The following AHRR variants were observed in gnomAD, a reference collection of about 807,000 sequenced individuals.
The protein encoded by AHRR is aryl hydrocarbon receptor repressor.
AHRR carries 28 observed loss-of-function variants against 44.0 expected under a neutral mutation model. The ratio of observed to expected loss-of-function variants is 0.64; its 90% CI spans 0.47 to 0.87. AHRR has a LOEUF of 0.87. AHRR is among the 40% of genes least tolerant of loss of function. The pLI is 0.00. For missense variants in AHRR, 990 were observed against 953.9 expected (o/e 1.04, Z -0.50); for synonymous variants, 434 against 407.0 (o/e 1.07, Z -0.80).
At chr5:372,753 G>A (rs767620145) in intron 3 of AHRR, among the ~76,000 whole-genome samples, 20 of 152,100 alleles carry the variant, frequency 1.3e-4, no homozygotes, top group African/African-American at 3.9e-4. Context: ...TGGGCATCAC[G>A]GCATCACCCA....
chr5:376,947 G>C (rs992905784), intron 4 of AHRR, among the ~76,000 whole-genome samples: 8 of 152,162 alleles, frequency 5.3e-5, no homozygotes, highest in African/African-American at 1.4e-4. Context: ...GACAGAGAAG[G>C]CAGCCCGAGA....
rs907319603 is a variant in AHRR, at chr5:396,776, C to G, written c.352-16568C>G. 1.9e-4 allele frequency among the ~76,000 whole-genome samples: 29 copies of G among 152,198 alleles called. No homozygotes were observed. In the East Asian group the frequency reaches 5.6e-3, roughly 29 times the overall value. ...ACAGCAGGAAGGTAGTCCAGCTCCCCCTGCATTCGCCTGCCCGCCCTCTCC... is the reference window on the plus strand; with the variant it reads ...ACAGCAGGAAGGTAGTCCAGCTCCCGCTGCATTCGCCTGCCCGCCCTCTCC... On this transcript the variant is annotated intron_variant, in intron 4 of 10. Transcript: ENST00000684583.
chr5:339,416 C>T (rs1371828801), intron 1 of AHRR, among the ~76,000 whole-genome samples: 1 of 152,220 alleles, frequency 6.6e-6, no homozygotes, highest in Non-Finnish European at 1.5e-5. Flanking sequence ...CCACTTCACT[C>T]AGCCTTTTTG....
At chr5:350,368 TG>T (rs1008159902) in intron 2 of AHRR, among the ~76,000 whole-genome samples, 4 of 152,244 alleles carry the variant, frequency 2.6e-5, no homozygotes, top group African/African-American at 9.6e-5. Flanking sequence ...TGAGCTGGCT[TG>T]GTGCACCTCC....
intron 5 of AHRR, among the ~76,000 whole-genome samples, chr5:414,835 A>G (rs1259574820): frequency 6.6e-6 from 1 of 152,282 alleles, no homozygotes; most frequent in Non-Finnish European, 1.5e-5. Context: ...AAATTTGAAC[A>G]GTTTTATAGA....
intron 3 of AHRR, among the ~76,000 whole-genome samples, chr5:359,667 G>A (rs1204235343): frequency 6.6e-6 from 1 of 152,118 alleles, no homozygotes; most frequent in Non-Finnish European, 1.5e-5. Flanking sequence ...TTGTTCCTTT[G>A]CATCCACCGT....
chr5:351,590 A>G (rs1036154422), intron 2 of AHRR, among the ~76,000 whole-genome samples: 2 of 152,216 alleles, frequency 1.3e-5, no homozygotes, highest in Admixed American at 1.3e-4. Flanking sequence ...CAGGGCTAAC[A>G]GAAGGGGAAT....
intron 4 of AHRR, among the ~76,000 whole-genome samples, chr5:392,863 G>C (rs1182803999): frequency 6.6e-6 from 1 of 151,966 alleles, no homozygotes; most frequent in Admixed American, 6.6e-5. Context: ...TGGCTGCTTG[G>C]ACTGTCTCCC....
In AHRR at chr5:403,822, T is replaced by C. The variant is rs1735137919; in HGVS notation, c.352-9522T>C. On this transcript the variant is annotated intron_variant, in intron 4 of 10. Transcript: ENST00000684583. Reference sequence around the variant, plus strand: ...GGTCTCTTGAGTTTCTCGATATGCCTTCTCTTCCTTTTTGCTCAAAGGACA... The same window carrying C: ...GGTCTCTTGAGTTTCTCGATATGCCCTCTCTTCCTTTTTGCTCAAAGGACA... 3.9e-6 allele frequency: 6 copies of C among 1,535,706 alleles called. No individual in the cohort carries two copies. The Admixed American group carries it at 1.0e-4, about 26-fold the overall frequency.
intron 4 of AHRR, among the ~76,000 whole-genome samples, chr5:407,991 G>A (rs560255874): frequency 3.9e-5 from 6 of 152,306 alleles, no homozygotes; most frequent in South Asian, 2.1e-4. Context: ...TACAATGTCC[G>A]ATACCATGGG....
Position 408,929 on chromosome 5 carries a change from T to C in AHRR, c.352-4415T>C, listed in dbSNP as rs549838174. On this transcript the variant is annotated intron_variant, in intron 4 of 10. Coordinates refer to ENST00000684583, the MANE Select transcript of AHRR (RefSeq NM_001377236.1). ...TATAAATTACATTTTCCTACAGAAA[T>C]ATATACTTTAGGTTTTCAAATGTAT... is the stretch of plus-strand genomic sequence containing the variant. Among the ~76,000 whole-genome samples the C allele has an allele frequency of 2.0e-5, 3 of 152,264 alleles. No individual in the cohort carries two copies. The South Asian group carries it at 6.2e-4, about 32-fold the overall frequency.
chr5:366,315 T>C (rs1323422536), intron 3 of AHRR, among the ~76,000 whole-genome samples: 3 of 152,052 alleles, frequency 2.0e-5, no homozygotes, highest in African/African-American at 7.2e-5. Context: ...ACAGAAGCCG[T>C]CTTGAAGGGG....
Position 402,821 on chromosome 5 carries a change from A to G in AHRR, c.352-10523A>G, listed in dbSNP as rs139719300. Among the ~76,000 whole-genome samples the G allele has an allele frequency of 4.2e-3, 646 of 152,332 alleles. 4 individuals are homozygous for G. The highest frequency in any genetic ancestry group is 0.014 in the Middle Eastern group (4 of 294). ...ATGTCCACCAGTGAATGCACAGATA[A>G]AGAAAATGCTCTGTGTATACACCAT... On this transcript the variant is annotated intron_variant, in intron 4 of 10. Coordinates refer to ENST00000684583, the MANE Select transcript of AHRR (RefSeq NM_001377236.1).
chr5:433,036 G>T, intron 10 of AHRR, 89 bp downstream of exon 10: 3 of 1,379,432 alleles, frequency 2.2e-6, no homozygotes, highest in Non-Finnish European at 2.9e-6. Flanking sequence ...TGATTAAGAA[G>T]AAAAATAAAA....
chr5:434,522 T>C lies in AHRR; in HGVS notation c.1782T>C (p.Ala594=), dbSNP rs1736905704. Residue 594 remains alanine, a synonymous_variant, in exon 11 of 11, where the codon GCT becomes GCC. Coordinates refer to ENST00000684583, the MANE Select transcript of AHRR (RefSeq NM_001377236.1). ...ACCTGGGGCACGGCGTGCGGGGGGCTCAGCCCCATGGGAGGGCCACTGCTG... is the reference window on the plus strand; with the variant it reads ...ACCTGGGGCACGGCGTGCGGGGGGCCCAGCCCCATGGGAGGGCCACTGCTG... The part of the protein sequence containing the change: ...ISHLGHGVRG[A]QPHGRATAGR... 4 of 1,611,816 alleles carry C rather than the reference T, an allele frequency of 2.5e-6. No homozygotes were observed. Among genetic ancestry groups the C allele is most frequent in the Non-Finnish European group, 3.4e-6 (4 of 1,179,530 alleles).
intron 1 of AHRR, among the ~76,000 whole-genome samples, chr5:323,786 C>T (rs1741592408): frequency 6.6e-6 from 1 of 152,134 alleles, no homozygotes; most frequent in South Asian, 2.1e-4. Context: ...TAATACGACA[C>T]AGAAGCGGGA....
In AHRR at chr5:386,598, C is replaced by T. The variant is rs149733267; in HGVS notation, c.351+9882C>T. Among the ~76,000 whole-genome samples, 322 of 152,340 alleles carry T rather than the reference C, an allele frequency of 2.1e-3. 1 individual carries two copies. The highest frequency in any genetic ancestry group is 7.4e-3 in the African/African-American group (306 of 41,584). Reference sequence around the variant, plus strand: ...TGGGAAAAGCAGCAAGATGGTTCCCCCTAGGCCTGCAGATTCTGGAGCACA... The same window carrying T: ...TGGGAAAAGCAGCAAGATGGTTCCCTCTAGGCCTGCAGATTCTGGAGCACA... On this transcript the variant is annotated intron_variant, in intron 4 of 10. Coordinates refer to ENST00000684583, the MANE Select transcript of AHRR (RefSeq NM_001377236.1).
At chr5:376,554 A>AGAACCGTGGGGTGAACGCGGGG (rs1560898263) in intron 3 of AHRR, 56 bp from the exon 4 acceptor site, 3 of 295,236 alleles carry the variant, frequency 1.0e-5, no homozygotes, top group Non-Finnish European at 1.1e-5. Context: ...GTGAATGAAG[A>AGAACCGTGGGGTGAACGCGGGG]AGAGTGGCCA....
Position 343,969 on chromosome 5 carries a change from A to C in AHRR, c.62+5A>C, listed in dbSNP as rs746406348. The C allele has an allele frequency of 4.4e-6, 7 of 1,595,736 alleles. No individual in the cohort carries two copies. The South Asian group carries it at 7.8e-5, about 18-fold the overall frequency. On this transcript the variant is annotated splice_donor_5th_base_variant and intron_variant, in intron 2 of 10. Coordinates refer to ENST00000684583, the MANE Select transcript of AHRR (RefSeq NM_001377236.1). ...GAGGAGGCCCCTGCAGAAACAGTAAAGTATCCCGCCTTCTGCTTGTGTGGG... is the reference window on the plus strand; with the variant it reads ...GAGGAGGCCCCTGCAGAAACAGTAACGTATCCCGCCTTCTGCTTGTGTGGG...
Sources: allele counts gnomAD v4.1 joint callset (sites outside exome capture counted in the v4.1 genomes callset), GRCh38; gene constraint gnomAD v4.1.1; transcripts MANE v1.5; gene names NCBI Gene and HGNC (gene_info 2026-07-23, HGNC 2026-07-21).